Variants in TIAM1 observed in about 807,000 individuals in gnomAD.
The protein encoded by TIAM1 is TIAM Rac1 associated GEF 1.
Under a neutral mutation model 163.5 loss-of-function variants are expected in TIAM1, and 65 were observed. The observed-to-expected ratio is 0.40, with a 90% CI of 0.33 to 0.49. The LOEUF is 0.49. TIAM1 is among the 20% of genes least tolerant of loss of function. The pLI is 0.77. For synonymous variants in TIAM1, 833 were observed against 810.1 expected, an observed-to-expected ratio of 1.03 and a Z score of -0.48; for missense variants, 1,789 against 2,044.7, an observed-to-expected ratio of 0.87 and a Z score of 2.41.
intron 4 of TIAM1, among the ~76,000 whole-genome samples, chr21:31,265,493 C>G (rs965834339): frequency 1.3e-5 from 2 of 151,904 alleles, no homozygotes; most frequent in Admixed American, 1.3e-4. Context: ...ATTGAAATGG[C>G]TCCCGGTAAG....
At chr21:31,487,619 G>T (rs1009835682) in intron 1 of TIAM1, among the ~76,000 whole-genome samples, 1 of 148,870 alleles carries the variant, frequency 6.7e-6, no homozygotes, top group Admixed American at 6.7e-5. Context: ...CTGCAGTGGC[G>T]CAATCTCGGC....
chr21:31,265,903 CAG>C (rs1569131415), intron 4 of TIAM1, 105 bp downstream of exon 4: 1 of 1,461,908 alleles, frequency 6.8e-7, no homozygotes, highest in Non-Finnish European at 9.2e-7. Context: ...ACCAGGCAAA[CAG>C]GGTAAAACCC....
At chr21:31,160,130 C>T (rs926355166) in intron 16 of TIAM1, among the ~76,000 whole-genome samples, 1 of 151,974 alleles carries the variant, frequency 6.6e-6, no homozygotes, top group African/African-American at 2.4e-5. Flanking sequence ...AAAACAAAGG[C>T]AAAAAATGCA....
chr21:31,451,752 TGTGTGTGTGA>T lies in TIAM1; in HGVS notation c.-369+12221_-369+12230del, dbSNP rs1363033955. Among the ~76,000 whole-genome samples, 205 of 144,380 alleles carry T rather than the reference TGTGTGTGTGA, an allele frequency of 1.4e-3. 4 individuals are homozygous for T. Among genetic ancestry groups the T allele is most frequent in the African/African-American group, 5.1e-3 (192 of 37,456 alleles). The allele number at this position is 144,380 out of a possible 152,430, so 94.7% of individuals were successfully genotyped here. ...GTGTGTGTGTGTGTGTGTGTGTGTG[TGTGTGTGTGA>T]GACACAGAGAGAGAGAGAGAGAGAG... On this transcript the variant is annotated intron_variant, in intron 2 of 28. Transcript: ENST00000286827.
intron 14 of TIAM1, among the ~76,000 whole-genome samples, chr21:31,186,773 C>G (rs2085325567): frequency 6.6e-6 from 1 of 151,808 alleles, no homozygotes; most frequent in East Asian, 1.9e-4. Flanking sequence ...AGAGCAAGAC[C>G]TTGTCTCTAA....
chr21:31,152,040 TTTTTTTTG>T (rs1255776131), intron 19 of TIAM1, among the ~76,000 whole-genome samples: 1,684 of 94,908 alleles, frequency 0.018, 26 homozygotes, highest in South Asian at 0.036. Context: ...TTTTTTTTTT[TTTTTTTTG>T]TAAGACGGAG....
chr21:31,548,047 G>A (rs2123304016), intron 1 of TIAM1, among the ~76,000 whole-genome samples: 1 of 151,254 alleles, frequency 6.6e-6, no homozygotes, highest in East Asian at 1.9e-4. Context: ...CCTCAAGATA[G>A]CTCAGTTCCA....
intron 2 of TIAM1, among the ~76,000 whole-genome samples, chr21:31,403,042 A>C (rs2077191753): frequency 6.6e-6 from 1 of 152,246 alleles, no homozygotes; most frequent in Admixed American, 6.5e-5. Context: ...CAGGGCTCAT[A>C]ATCACAGACC....
At chr21:31,281,028 T>A (rs1345116401) in intron 2 of TIAM1, among the ~76,000 whole-genome samples, 1 of 129,866 alleles carries the variant, frequency 7.7e-6, no homozygotes, top group Non-Finnish European at 1.5e-5. Context: ...GGTCAGAGGA[T>A]CCCTTGAGCC....
chr21:31,325,434 G>A (rs994185282), intron 2 of TIAM1, among the ~76,000 whole-genome samples: 2 of 152,028 alleles, frequency 1.3e-5, no homozygotes, highest in Admixed American at 6.6e-5. Flanking sequence ...TTGGGATGCC[G>A]AGGCAGGTGG....
chr21:31,167,351 G>A (rs1475295289), intron 15 of TIAM1, among the ~76,000 whole-genome samples: 1 of 152,112 alleles, frequency 6.6e-6, no homozygotes, highest in Non-Finnish European at 1.5e-5. Flanking sequence ...CCAAAGTGCT[G>A]GGATTACAGG....
chr21:31,482,907 G>A (rs2046161367), intron 1 of TIAM1, among the ~76,000 whole-genome samples: 2 of 152,118 alleles, frequency 1.3e-5, no homozygotes, highest in Non-Finnish European at 2.9e-5. Context: ...ACTGTGCCAG[G>A]CCCTGGGCAC....
At chr21:31,332,139 C>T (rs1208819550) in intron 2 of TIAM1, among the ~76,000 whole-genome samples, 1 of 152,070 alleles carries the variant, frequency 6.6e-6, no homozygotes, top group Non-Finnish European at 1.5e-5. Context: ...AAACCCCCTA[C>T]TCCTGGAGTA....
intron 2 of TIAM1, among the ~76,000 whole-genome samples, chr21:31,277,198 A>G (rs2073336488): frequency 6.6e-6 from 1 of 152,174 alleles, no homozygotes; most frequent in Non-Finnish European, 1.5e-5. Context: ...TTGCTGATAA[A>G]ACAGATTGCA....
intron 2 of TIAM1, among the ~76,000 whole-genome samples, chr21:31,310,634 C>A (rs1378253936): frequency 6.6e-6 from 1 of 152,152 alleles, no homozygotes; most frequent in Admixed American, 6.5e-5. Context: ...TCCTAAAAAT[C>A]CAGGTCACTC....
intron 1 of TIAM1, among the ~76,000 whole-genome samples, chr21:31,532,844 C>T (rs765472919): frequency 2.4e-4 from 37 of 152,184 alleles, no homozygotes; most frequent in Non-Finnish European, 4.3e-4. Flanking sequence ...CTGCTCAGGA[C>T]GGGGAGGTAA....
intron 6 of TIAM1, 78 bp downstream of exon 6, chr21:31,245,410 G>C: frequency 4.7e-6 from 4 of 842,592 alleles, no homozygotes; most frequent in Non-Finnish European, 6.5e-6. Context: ...AGTGGAGGGA[G>C]ACTGGGTGCC....
chr21:31,398,297 T>C (rs920428347), intron 2 of TIAM1, among the ~76,000 whole-genome samples: 3 of 151,300 alleles, frequency 2.0e-5, no homozygotes, highest in Middle Eastern at 3.4e-3. Context: ...TGTAAAACAA[T>C]CTTACTTTTT....
At chr21:31,465,627 GT>G (rs2045498574) in intron 1 of TIAM1, among the ~76,000 whole-genome samples, 1 of 151,560 alleles carries the variant, frequency 6.6e-6, no homozygotes, top group Non-Finnish European at 1.5e-5. Context: ...CTGGAGTGCA[GT>G]GGTGCGATCT....
Sources: allele counts gnomAD v4.1 joint callset (sites outside exome capture counted in the v4.1 genomes callset), GRCh38; gene constraint gnomAD v4.1.1; transcripts MANE v1.5; gene names NCBI Gene and HGNC (gene_info 2026-07-23, HGNC 2026-07-21).